Variants in POU2F1 observed in about 807,000 individuals in gnomAD.
The protein encoded by POU2F1 is POU domain, class 2, transcription factor 1.
A neutral mutation model predicts 84.9 loss-of-function variants in POU2F1; 16 were observed. The observed-to-expected ratio is 0.19, with a 90% CI of 0.13 to 0.29. POU2F1 has a LOEUF of 0.29. POU2F1 is among the 10% of genes least tolerant of loss of function. POU2F1 has a pLI of 1.00. For missense variants in POU2F1, 738 were observed against 942.6 expected, an observed-to-expected ratio of 0.78 and a Z score of 2.84; for synonymous variants, 368 against 368.3, an observed-to-expected ratio of 1.00 and a Z score of 0.01.
At chr1:167,350,673 CAAAAAAA>C (rs56240224) in intron 2 of POU2F1, among the ~76,000 whole-genome samples, 3 of 58,730 alleles carry the variant, frequency 5.1e-5, no homozygotes, top group African/African-American at 1.7e-4. Context: ...GACTCCATCT[CAAAAAAA>C]AAAAAAAAAA....
chr1:167,409,171 T>C (rs1026146423), intron 13 of POU2F1, among the ~76,000 whole-genome samples: 1 of 152,228 alleles, frequency 6.6e-6, no homozygotes, highest in Non-Finnish European at 1.5e-5. Context: ...TCAGCTCTTA[T>C]ATTTAGGCCT....
rs183942396 is a variant in POU2F1 at position 167,261,812 on chromosome 1, G to A, written c.61+40854G>A. Among the ~76,000 whole-genome samples, 8 of 152,294 alleles carry A rather than the reference G, an allele frequency of 5.3e-5. No individual in the cohort carries two copies. The East Asian group carries it at 1.4e-3, about 26-fold the overall frequency. On this transcript the variant is annotated intron_variant, in intron 1 of 15. Transcript: ENST00000367866. The stretch of plus-strand genomic sequence containing the variant: ...CGATTCTCATACCTCAGCCTCTTGA[G>A]TAGCTGGGATTACAGGCACGTGCCA...
chr1:167,320,938 C>T (rs1656269925), intron 1 of POU2F1, among the ~76,000 whole-genome samples: 1 of 152,074 alleles, frequency 6.6e-6, no homozygotes, highest in Non-Finnish European at 1.5e-5. Context: ...ATTAATGTCC[C>T]CTAGTAATTT....
At chr1:167,261,771 G>A (rs1275220433) in intron 1 of POU2F1, among the ~76,000 whole-genome samples, 1 of 152,082 alleles carries the variant, frequency 6.6e-6, no homozygotes, top group Non-Finnish European at 1.5e-5. Flanking sequence ...TGTAACCTTC[G>A]CTTCCCAGGT....
intron 2 of POU2F1, among the ~76,000 whole-genome samples, chr1:167,348,730 A>G (rs1475022320): frequency 6.6e-6 from 1 of 152,144 alleles, no homozygotes; most frequent in Non-Finnish European, 1.5e-5. Flanking sequence ...TAGATGTTTG[A>G]CTTGTCACCT....
At position 167,324,869 on chromosome 1, in the gene POU2F1, T is replaced by C. The variant is rs111899975; in HGVS notation, c.62-7601T>C. Among the ~76,000 whole-genome samples, 539 of 152,322 alleles carry C rather than the reference T, an allele frequency of 3.5e-3. 1 individual carries two copies. The highest frequency in any genetic ancestry group is 0.012 in the African/African-American group (517 of 41,566). On this transcript the variant is annotated intron_variant, in intron 1 of 15. Transcript: ENST00000367866. ...TGATAGACATTCCGTTAAGTTATTC[T>C]AAAAGATTTTTGGTGGGGGGAGGGG...
intron 2 of POU2F1, among the ~76,000 whole-genome samples, chr1:167,360,168 G>A (rs1355871330): frequency 6.6e-6 from 1 of 152,024 alleles, no homozygotes. Context: ...GGCCCTCAGT[G>A]TACCTATCTC....
intron 1 of POU2F1, among the ~76,000 whole-genome samples, chr1:167,233,303 A>ATTTT (rs371350367): frequency 7.1e-6 from 1 of 141,146 alleles, no homozygotes; most frequent in Non-Finnish European, 1.6e-5. Flanking sequence ...TGCCCAGCTA[A>ATTTT]TTTTTTTTTT....
chr1:167,364,565 T>C (rs201028880), intron 2 of POU2F1, among the ~76,000 whole-genome samples: 2 of 12,616 alleles, frequency 1.6e-4, no homozygotes, highest in African/African-American at 2.7e-4. Context: ...TAACATTTTT[T>C]TTTCTTTCTT....
intron 2 of POU2F1, among the ~76,000 whole-genome samples, chr1:167,342,394 A>C (rs964484493): frequency 1.3e-5 from 2 of 152,204 alleles, no homozygotes; most frequent in Non-Finnish European, 2.9e-5. Flanking sequence ...CAAAGTTCCT[A>C]GTAACCAGTG....
intron 1 of POU2F1, among the ~76,000 whole-genome samples, chr1:167,237,757 TATATA>T (rs1649577851): frequency 5.0e-5 from 1 of 19,928 alleles, no homozygotes; most frequent in African/African-American, 9.3e-5. Flanking sequence ...TATATATATA[TATATA>T]TATATATATA....
At chr1:167,286,699 T>G (rs1653553107) in intron 1 of POU2F1, among the ~76,000 whole-genome samples, 1 of 152,116 alleles carries the variant, frequency 6.6e-6, no homozygotes, top group Admixed American at 6.5e-5. Context: ...AAGTACATAC[T>G]TATTTTGTGT....
At chr1:167,278,664 CTT>C (rs1407469420) in intron 1 of POU2F1, among the ~76,000 whole-genome samples, 1 of 152,160 alleles carries the variant, frequency 6.6e-6, no homozygotes, top group African/African-American at 2.4e-5. Context: ...TGTCTGGGAA[CTT>C]TATTTTTACC....
At chr1:167,330,982 T>C (rs1337763945) in intron 1 of POU2F1, among the ~76,000 whole-genome samples, 1 of 152,114 alleles carries the variant, frequency 6.6e-6, no homozygotes, top group African/African-American at 2.4e-5. Flanking sequence ...TTTCATGAGA[T>C]TTTGGTTGTC....
chr1:167,247,220 C>T (rs915479790), intron 1 of POU2F1, among the ~76,000 whole-genome samples: 2 of 151,994 alleles, frequency 1.3e-5, no homozygotes, highest in Non-Finnish European at 2.9e-5. Context: ...AGACCATAGG[C>T]GTGTGCCACC....
chr1:167,254,510 C>T (rs975480488), intron 1 of POU2F1, among the ~76,000 whole-genome samples: 1 of 152,038 alleles, frequency 6.6e-6, no homozygotes, highest in Non-Finnish European at 1.5e-5. Flanking sequence ...AGTCATGTTT[C>T]ACATGTATCT....
chr1:167,221,913 G>C (rs1289196748), intron 1 of POU2F1, among the ~76,000 whole-genome samples: 1 of 151,936 alleles, frequency 6.6e-6, no homozygotes, highest in Non-Finnish European at 1.5e-5. Context: ...CCCCCGGCCG[G>C]CGGTCGGCAG....
chr1:167,345,963 C>T (rs1288849422), intron 2 of POU2F1, among the ~76,000 whole-genome samples: 1 of 147,166 alleles, frequency 6.8e-6, no homozygotes, highest in Non-Finnish European at 1.5e-5. Context: ...GAGTTGAAGA[C>T]TAGCCTGGGC....
rs12736393 is a variant in POU2F1 at position 167,407,487 on chromosome 1, A to C, written c.1556-4472A>C. Among the ~76,000 whole-genome samples, 1,485 of 152,334 alleles carry C rather than the reference A, an allele frequency of 9.7e-3. 11 individuals carry two copies. Among genetic ancestry groups the C allele is most frequent in the Non-Finnish European group, 0.013 (912 of 68,024 alleles). ...GAAATCAGAGGATTTTCATGTCCTA[A>C]TTTCAAAGTTTACTGTAAAGCAACA... On this transcript the variant is annotated intron_variant, in intron 13 of 15. Transcript: ENST00000367866.
Sources: allele counts gnomAD v4.1 joint callset (sites outside exome capture counted in the v4.1 genomes callset), GRCh38; gene constraint gnomAD v4.1.1; transcripts MANE v1.5; gene names NCBI Gene and HGNC (gene_info 2026-07-23, HGNC 2026-07-21).